SLC17A5: variants seen among roughly 807,000 people sequenced by gnomAD.
SLC17A5 encodes the protein sialin.
A neutral mutation model predicts 59.4 loss-of-function variants in SLC17A5; 47 were observed. The ratio of observed to expected loss-of-function variants is 0.79; its 90% CI spans 0.63 to 1.01. SLC17A5 has a LOEUF of 1.01. Ranked by LOEUF, SLC17A5 falls within the 50% of genes least tolerant of loss-of-function variation. The pLI is 0.00. For synonymous variants in SLC17A5, 202 were observed against 210.7 expected (o/e 0.96, Z 0.36); for missense variants, 522 against 595.5 (o/e 0.88, Z 1.28).
intron 1 of SLC17A5, chr6:73,653,200 C>T: frequency 2.0e-6 from 2 of 985,388 alleles, no homozygotes; most frequent in Non-Finnish European, 2.4e-6. Flanking sequence ...CAATAGTTGC[C>T]CTCTGCATAC....
At chr6:73,622,621 G>A (rs555840) in intron 6 of SLC17A5, among the ~76,000 whole-genome samples, 24,617 of 152,008 alleles carry the variant, frequency 0.16, 3,047 homozygotes, top group African/African-American at 0.34. Flanking sequence ...ATAGTTTCAC[G>A]GTCAGATTCA....
At position 73,623,729 on chromosome 6, in the gene SLC17A5, G is replaced by A. The variant is rs893190788; in HGVS notation, c.820-1767C>T. Among the ~76,000 whole-genome samples, 2 of 147,602 alleles carry A rather than the reference G, an allele frequency of 1.4e-5. 1 individual carries two copies. Among genetic ancestry groups the A allele is most frequent in the South Asian group, 4.3e-4 (2 of 4,640 alleles). On this transcript the variant is annotated intron_variant, in intron 6 of 10. Transcript: ENST00000355773. ...TTATTTATTTTTGAGATGGAGTCTC[G>A]CTCTGTTGCTCAGGCTGGATTGCAG...
At chr6:73,639,440 AG>A in intron 3 of SLC17A5, among the ~76,000 whole-genome samples, 1 of 152,360 alleles carries the variant, frequency 6.6e-6, no homozygotes, top group East Asian at 1.9e-4. Flanking sequence ...ATTAAAAAAA[AG>A]TAATACCAAT....
At chr6:73,622,811 G>C (rs1248434524) in intron 6 of SLC17A5, among the ~76,000 whole-genome samples, 1 of 152,154 alleles carries the variant, frequency 6.6e-6, no homozygotes, top group African/African-American at 2.4e-5. Flanking sequence ...GGGTATGCAA[G>C]ATGATCTGTT....
chr6:73,600,640 T>C (rs1767015588), intron 9 of SLC17A5, among the ~76,000 whole-genome samples, 199 bp from the exon 10 acceptor site: 2 of 151,770 alleles, frequency 1.3e-5, no homozygotes. Context: ...TAGCGGGGAC[T>C]ACAGGCATCC....
At chr6:73,600,624 C>T (rs1767014221) in intron 9 of SLC17A5, among the ~76,000 whole-genome samples, 183 bp from the exon 10 acceptor site, 1 of 151,658 alleles carries the variant, frequency 6.6e-6, no homozygotes, top group South Asian at 2.1e-4. Context: ...GCCTTAGCCT[C>T]CTGAGTAGCG....
chr6:73,603,752 C>T (rs1767265505), intron 9 of SLC17A5, among the ~76,000 whole-genome samples: 1 of 152,006 alleles, frequency 6.6e-6, no homozygotes, highest in African/African-American at 2.4e-5. Flanking sequence ...GGATGTTTGT[C>T]CTGTATATAT....
At chr6:73,624,174 C>T (rs949065198) in intron 6 of SLC17A5, among the ~76,000 whole-genome samples, 6 of 151,940 alleles carry the variant, frequency 3.9e-5, no homozygotes, top group Non-Finnish European at 5.9e-5. Flanking sequence ...GAGGCCGAGG[C>T]GGGCAGATAA....
intron 6 of SLC17A5, among the ~76,000 whole-genome samples, chr6:73,627,601 T>A (rs539463512): frequency 1.3e-5 from 2 of 151,924 alleles, no homozygotes; most frequent in East Asian, 3.9e-4. Context: ...CATATCTAAT[T>A]GTTGGCAAAA....
intron 1 of SLC17A5, 194 bp downstream of exon 1, chr6:73,653,599 G>C: frequency 1.6e-6 from 1 of 635,506 alleles, no homozygotes; most frequent in Non-Finnish European, 1.9e-6. Flanking sequence ...CGGGGTTCCC[G>C]AGGGGCTTCT....
At chr6:73,629,951 C>T (rs1480946970) in intron 6 of SLC17A5, among the ~76,000 whole-genome samples, 1 of 151,866 alleles carries the variant, frequency 6.6e-6, no homozygotes, top group Non-Finnish European at 1.5e-5. Context: ...TGAGATGGTC[C>T]TTCTGAATTT....
chr6:73,639,844 G>A (rs948778761), intron 3 of SLC17A5, among the ~76,000 whole-genome samples: 3 of 152,108 alleles, frequency 2.0e-5, no homozygotes, highest in Non-Finnish European at 2.9e-5. Context: ...CCAGAAGTTC[G>A]AGACCAGCCT....
intron 1 of SLC17A5, 94 bp downstream of exon 1, chr6:73,653,699 C>T: frequency 7.7e-7 from 1 of 1,295,160 alleles, no homozygotes; most frequent in Non-Finnish European, 1.1e-6. Context: ...GTCCCGCCGG[C>T]GCAGGGTGCG....
At chr6:73,622,144 T>C (rs1768181968) in intron 6 of SLC17A5, among the ~76,000 whole-genome samples, 182 bp from the exon 7 acceptor site, 1 of 152,208 alleles carries the variant, frequency 6.6e-6, no homozygotes, top group African/African-American at 2.4e-5. Flanking sequence ...TATTTAGTTG[T>C]TTGATTTTTT....
intron 6 of SLC17A5, among the ~76,000 whole-genome samples, chr6:73,632,291 C>CAAAAAAA (rs71000140): frequency 1.6e-5 from 1 of 63,718 alleles, no homozygotes; most frequent in African/African-American, 6.0e-5. Context: ...GAGCTAGACT[C>CAAAAAAA]AAAAAAAAAA....
chr6:73,641,070 T>G (rs1769256952), intron 3 of SLC17A5, among the ~76,000 whole-genome samples: 1 of 152,168 alleles, frequency 6.6e-6, no homozygotes, highest in African/African-American at 2.4e-5. Flanking sequence ...GAGGTAAGGA[T>G]GGTCAATCTT....
chr6:73,647,836 A>G (rs10455095), intron 1 of SLC17A5, among the ~76,000 whole-genome samples: 8,466 of 152,244 alleles, frequency 0.056, 420 homozygotes, highest in Admixed American at 0.16. Flanking sequence ...GGGAGGACGA[A>G]GCGGGTGGAT....
intron 6 of SLC17A5, among the ~76,000 whole-genome samples, chr6:73,628,485 C>T (rs1051808391): frequency 2.0e-5 from 3 of 152,062 alleles, no homozygotes; most frequent in Admixed American, 6.6e-5. Context: ...GCATGAGAAT[C>T]GCTTGAACCC....
rs1175235998 is a variant in SLC17A5, at chr6:73,601,725, C to T, written c.1260-1284G>A. Among the ~76,000 whole-genome samples the T allele has an allele frequency of 6.3e-4, 75 of 119,394 alleles. 3 individuals are homozygous for T. The highest frequency in any genetic ancestry group is 2.4e-3 in the African/African-American group (70 of 29,190). 78.3% of individuals were successfully genotyped at this position (119,394 alleles called of 152,430 possible). ...CCCCCGCCCGGCCAGCCGCCCCGTC[C>T]GGGAGGTGAGGGGCGCCTCTGCCCA... On this transcript the variant is annotated intron_variant, in intron 9 of 10. Transcript: ENST00000355773.
Sources: gnomAD v4.1 joint callset for allele counts (sites outside exome capture counted in the v4.1 genomes callset) on GRCh38, gnomAD v4.1.1 for gene constraint, MANE v1.5 for transcripts, NCBI Gene and HGNC (gene_info 2026-07-23, HGNC 2026-07-21) for gene names.